Variants in SLC30A9 observed in about 807,000 individuals in gnomAD.
SLC30A9 encodes solute carrier family 30 member 9.
SLC30A9 carries 58 observed loss-of-function variants against 87.5 expected under a neutral mutation model. That is an observed-to-expected ratio of 0.66 (90% CI 0.54 to 0.82). SLC30A9 has a LOEUF of 0.82. SLC30A9 is among the 40% of genes least tolerant of loss of function. The pLI is 0.00. For missense variants in SLC30A9, 557 were observed against 679.1 expected (o/e 0.82, Z 2.00); for synonymous variants, 234 against 233.0 (o/e 1.00, Z -0.04).
In SLC30A9 at chr4:42,023,331, C is replaced by G. The variant is rs1716054840; in HGVS notation, c.557C>G (p.Ala186Gly). The G allele has an allele frequency of 6.2e-7, 1 of 1,613,436 alleles. No individual in the cohort carries two copies. The highest frequency in any genetic ancestry group is 1.3e-5 in the African/African-American group (1 of 74,912). ...KSLEVWGSPE[A>G]LAREKKLRKE... The stretch of plus-strand genomic sequence containing the variant: ...TTGGAAGTTTGGGGAAGCCCTGAAG[C>G]TCTTGCCAGAGAGAAAAAATTGCGT... The change falls in exon 6 of 18, where the codon GCT becomes GGT. Residue 186 changes from alanine (A) to glycine (G), a missense_variant. By Grantham distance (60) the Ala-to-Gly change is moderately conservative. Transcript: ENST00000264451.
intron 9 of SLC30A9, among the ~76,000 whole-genome samples, chr4:42,055,571 A>G (rs1717579310): frequency 2.0e-5 from 3 of 152,148 alleles, no homozygotes. Context: ...TATTTGCAGT[A>G]CAGACAGGGT....
chr4:41,994,142 C>T (rs1027759028), intron 1 of SLC30A9, among the ~76,000 whole-genome samples: 33 of 146,138 alleles, frequency 2.3e-4, no homozygotes, highest in Admixed American at 1.1e-3. Flanking sequence ...GGGCGACGAG[C>T]GAAACTCCAT....
intron 2 of SLC30A9, among the ~76,000 whole-genome samples, chr4:42,011,704 C>T (rs73810476): frequency 9.6e-4 from 146 of 152,272 alleles, no homozygotes; most frequent in African/African-American, 2.5e-3. Flanking sequence ...GCTAAAATAA[C>T]AGCTTCAATT....
chr4:42,052,456 G>T (rs141410066), intron 9 of SLC30A9, among the ~76,000 whole-genome samples: 1 of 152,228 alleles, frequency 6.6e-6, no homozygotes, highest in East Asian at 1.9e-4. Context: ...AATATTCAAA[G>T]CAATCTTGAA....
chr4:42,026,205 T>C (rs186767179), intron 6 of SLC30A9, among the ~76,000 whole-genome samples: 159 of 152,278 alleles, frequency 1.0e-3, no homozygotes, highest in Non-Finnish European at 1.8e-3. Flanking sequence ...ATGGAAGAAA[T>C]ACATACTGGG....
intron 6 of SLC30A9, chr4:42,030,012 A>G: frequency 1.1e-6 from 1 of 875,278 alleles, no homozygotes; most frequent in East Asian, 3.6e-5. Context: ...CACCAACCTT[A>G]CCATGGACAC....
At chr4:42,024,569 G>A (rs1020545617) in intron 6 of SLC30A9, among the ~76,000 whole-genome samples, 3 of 152,046 alleles carry the variant, frequency 2.0e-5, no homozygotes, top group African/African-American at 7.2e-5. Flanking sequence ...ACATAGGATT[G>A]AGTGTTAATA....
At chr4:42,039,131 T>C in intron 8 of SLC30A9, 78 bp downstream of exon 8, 1 of 1,056,746 alleles carries the variant, frequency 9.5e-7, no homozygotes, top group Non-Finnish European at 1.4e-6. Context: ...GTAAATTTAT[T>C]ACATGGTAGC....
intron 17 of SLC30A9, among the ~76,000 whole-genome samples, chr4:42,083,575 T>C (rs1217269165): frequency 6.6e-6 from 1 of 152,214 alleles, no homozygotes; most frequent in Admixed American, 6.5e-5. Context: ...GAAAACTTGA[T>C]TTTAAAAAGC....
chr4:42,062,825 C>G (rs1717917595), intron 10 of SLC30A9, among the ~76,000 whole-genome samples, 161 bp from the exon 11 acceptor site: 3 of 152,116 alleles, frequency 2.0e-5, no homozygotes, highest in African/African-American at 7.2e-5. Context: ...GTTTTTTCCA[C>G]TTTACATATT....
chr4:42,013,382 A>G (rs541442339), intron 2 of SLC30A9, among the ~76,000 whole-genome samples: 1 of 152,256 alleles, frequency 6.6e-6, no homozygotes, highest in East Asian at 1.9e-4. Flanking sequence ...TACTACTGCA[A>G]ATCACCCCCT....
intron 9 of SLC30A9, among the ~76,000 whole-genome samples, chr4:42,059,371 T>G (rs193098140): frequency 6.6e-6 from 1 of 152,282 alleles, no homozygotes; most frequent in African/African-American, 2.4e-5. Context: ...GGGACAAGCA[T>G]ACTACTATTG....
In SLC30A9 at chr4:41,990,846, C is replaced by A. The variant is rs910032469; in HGVS notation, c.109+86C>A. 5.3e-6 allele frequency: 5 copies of A among 950,404 alleles called. No homozygotes were observed. In the Admixed American group the frequency reaches 1.2e-4, roughly 22 times the overall value. The allele number at this position is 950,404 out of a possible 1,614,324, so 58.9% of individuals were successfully genotyped here. A position where few individuals can be genotyped will look rare whatever the true frequency, so the allele number is the denominator to read the frequency against. On this transcript the variant is annotated intron_variant, in intron 1 of 17. Transcript: ENST00000264451. ...TCGGCGCCTCGCCTGGGGCAATTCG[C>A]CCACTTGCCTTTCGCCAACCTCAGA...
chr4:41,995,104 A>T (rs919788727), intron 1 of SLC30A9, among the ~76,000 whole-genome samples: 1 of 151,354 alleles, frequency 6.6e-6, no homozygotes, highest in East Asian at 2.0e-4. Flanking sequence ...CTAAAAACAC[A>T]AAAAAATTAG....
chr4:42,055,630 T>G (rs1560553559), intron 9 of SLC30A9, among the ~76,000 whole-genome samples: 1 of 152,226 alleles, frequency 6.6e-6, no homozygotes, highest in Non-Finnish European at 1.5e-5. Flanking sequence ...GTTGGAAAAC[T>G]TTTCTGTTAA....
intron 2 of SLC30A9, among the ~76,000 whole-genome samples, chr4:42,012,987 G>A (rs937005833): frequency 5.9e-5 from 9 of 152,106 alleles, no homozygotes; most frequent in African/African-American, 1.9e-4. Flanking sequence ...AGTGGCTGAG[G>A]CCTGATACTA....
rs1253851182 is a variant in SLC30A9 at position 42,090,390 on chromosome 4, C to T, written c.*4264C>T. ...TTTCATCTGTCTGATTTCCCTGGCA[C>T]ATTAAGATGGTCCTGGTCCCTCAGG... On this transcript the variant is annotated 3_prime_UTR_variant, in exon 18 of 18. Transcript: ENST00000264451. 6.6e-6 allele frequency: 1 copy of T among 152,188 alleles called. No homozygotes were observed. Among genetic ancestry groups the T allele is most frequent in the African/African-American group, 2.4e-5 (1 of 41,452 alleles). 9.4% of individuals were successfully genotyped at this position (152,188 alleles called of 1,614,324 possible). A position where few individuals can be genotyped will look rare whatever the true frequency, so the allele number is the denominator to read the frequency against.
chr4:42,012,796 T>G (rs1383350059), intron 2 of SLC30A9, among the ~76,000 whole-genome samples: 1 of 146,986 alleles, frequency 6.8e-6, no homozygotes, highest in African/African-American at 2.4e-5. Flanking sequence ...CAAAAAAAAC[T>G]ATTAAAGCAT....
intron 1 of SLC30A9, among the ~76,000 whole-genome samples, chr4:41,993,761 A>G (rs1714563454): frequency 6.6e-6 from 1 of 152,260 alleles, no homozygotes; most frequent in African/African-American, 2.4e-5. Flanking sequence ...AGTTTATTAT[A>G]GTAATAAATT....
Sources: allele counts gnomAD v4.1 joint callset (sites outside exome capture counted in the v4.1 genomes callset), GRCh38; gene constraint gnomAD v4.1.1; transcripts MANE v1.5; gene names NCBI Gene and HGNC (gene_info 2026-07-23, HGNC 2026-07-21).